SPATS2L: variants seen among roughly 807,000 people sequenced by gnomAD.
SPATS2L encodes the protein spermatogenesis associated serine rich 2 like.
Under a neutral mutation model 59.6 loss-of-function variants are expected in SPATS2L, and 30 were observed. The observed-to-expected ratio is 0.50, with a 90% CI of 0.38 to 0.68. SPATS2L has a LOEUF of 0.68. Among genes scored for constraint, SPATS2L ranks in the 30% least tolerant of loss-of-function variants. SPATS2L has a pLI of 0.00. For missense variants in SPATS2L, 615 were observed against 700.0 expected (o/e 0.88, Z 1.37); for synonymous variants, 252 against 263.5 (o/e 0.96, Z 0.42).
rs1234847838 is a variant in SPATS2L, at chr2:200,478,435, TGC to T, written c.*407_*408del. 2 of 156,750 alleles carry T rather than the reference TGC, an allele frequency of 1.3e-5. No individual in the cohort carries two copies. Among genetic ancestry groups the T allele is most frequent in the Non-Finnish European group, 2.8e-5 (2 of 71,074 alleles). The allele number at this position is 156,750 out of a possible 1,614,324, so 9.7% of individuals were successfully genotyped here. A position where few individuals can be genotyped will look rare whatever the true frequency, so the allele number is the denominator to read the frequency against. ...ACAAACATGATCTGCTGAGGACACA[TGC>T]GCTTTTGTAGAATTTAACATCTGGT... On this transcript the variant is annotated 3_prime_UTR_variant, in exon 13 of 13. Transcript: ENST00000409140.
At chr2:200,336,621 G>A (rs1021860841) in intron 2 of SPATS2L, among the ~76,000 whole-genome samples, 1 of 152,096 alleles carries the variant, frequency 6.6e-6, no homozygotes, top group Non-Finnish European at 1.5e-5. Context: ...TAAAACAGAT[G>A]TGTACTGCTG....
intron 2 of SPATS2L, among the ~76,000 whole-genome samples, chr2:200,356,159 T>G (rs950153931): frequency 1.3e-5 from 2 of 152,246 alleles, no homozygotes; most frequent in Admixed American, 1.3e-4. Context: ...TGTATCTATC[T>G]ATAAAGTGTA....
chr2:200,407,882 A>G (rs2082741385), intron 3 of SPATS2L, among the ~76,000 whole-genome samples: 1 of 152,194 alleles, frequency 6.6e-6, no homozygotes. Flanking sequence ...CGCCTGGTGT[A>G]GCTATAAGTT....
chr2:200,340,602 G>A (rs954996671), intron 2 of SPATS2L, among the ~76,000 whole-genome samples: 13 of 152,116 alleles, frequency 8.5e-5, no homozygotes, highest in Non-Finnish European at 1.8e-4. Context: ...GGGGAGGGCT[G>A]TGGAGAGGCA....
chr2:200,438,668 T>C (rs1293224565), intron 6 of SPATS2L, among the ~76,000 whole-genome samples: 1 of 152,172 alleles, frequency 6.6e-6, no homozygotes, highest in Non-Finnish European at 1.5e-5. Context: ...CCTTCATTAA[T>C]TCGGAATGAA....
At chr2:200,440,302 G>A (rs2084607249) in intron 7 of SPATS2L, among the ~76,000 whole-genome samples, 1 of 152,226 alleles carries the variant, frequency 6.6e-6, no homozygotes, top group Non-Finnish European at 1.5e-5. Context: ...ACCACGCAAA[G>A]TGGTGTTTAT....
intron 2 of SPATS2L, among the ~76,000 whole-genome samples, chr2:200,357,541 A>T (rs1011660116): frequency 1.2e-4 from 18 of 152,138 alleles, no homozygotes. Flanking sequence ...AACTTATCTG[A>T]TTTTTTAAAA....
intron 2 of SPATS2L, among the ~76,000 whole-genome samples, chr2:200,371,093 C>A (rs1467316877): frequency 6.6e-6 from 1 of 151,890 alleles, no homozygotes; most frequent in African/African-American, 2.4e-5. Context: ...TCAGTGTATA[C>A]CGTGATGTGA....
At chr2:200,416,565 T>C (rs1559112109) in intron 5 of SPATS2L, 137 bp downstream of exon 5, 2 of 417,360 alleles carry the variant, frequency 4.8e-6, no homozygotes, top group Admixed American at 9.0e-5. Context: ...TCCAAATTCA[T>C]GACTCTCGGA....
chr2:200,396,480 T>C (rs1298750764), intron 3 of SPATS2L, among the ~76,000 whole-genome samples: 3 of 152,170 alleles, frequency 2.0e-5, no homozygotes, highest in Non-Finnish European at 4.4e-5. Flanking sequence ...GAGCAGATTT[T>C]TAATTATTTT....
chr2:200,351,411 T>C (rs1290476666), intron 2 of SPATS2L: 3 of 426,806 alleles, frequency 7.0e-6, no homozygotes, highest in African/African-American at 6.2e-5. Context: ...GAGATACTTT[T>C]CAAAATCCTG....
chr2:200,399,431 C>T (rs2082452062), intron 3 of SPATS2L, among the ~76,000 whole-genome samples: 2 of 152,262 alleles, frequency 1.3e-5, no homozygotes, highest in Admixed American at 6.5e-5. Flanking sequence ...AATAATATTC[C>T]ACTGTGTATA....
Position 200,334,350 on chromosome 2 carries a change from G to A in SPATS2L, c.-23+4870G>A, listed in dbSNP as rs543629069. Among the ~76,000 whole-genome samples the A allele has an allele frequency of 2.6e-5, 4 of 152,244 alleles. No individual in the cohort carries two copies. In the South Asian group the frequency reaches 6.2e-4, roughly 24 times the overall value. ...TCATATCCTTCACCCACTTTTTGAT[G>A]GGGTTGTTTGTTTTTTTCTTGTAAA... On this transcript the variant is annotated intron_variant, in intron 2 of 12. Transcript: ENST00000409140.
rs1275326301 is a variant in SPATS2L at position 200,480,758 on chromosome 2, T to C, written c.*2727T>C. On this transcript the variant is annotated 3_prime_UTR_variant, in exon 13 of 13. Transcript: ENST00000409140. ...AGTAATTTCAATATTTTAGTGCCAA[T>C]GTCAGGCCGCTTAAACACTGTATTA... 4 of 152,234 alleles carry C rather than the reference T, an allele frequency of 2.6e-5. No homozygotes were observed. The highest frequency in any genetic ancestry group is 9.6e-5 in the African/African-American group (4 of 41,468). 9.4% of individuals were successfully genotyped at this position (152,234 alleles called of 1,614,324 possible). A position where few individuals can be genotyped will look rare whatever the true frequency, so the allele number is the denominator to read the frequency against.
intron 7 of SPATS2L, 111 bp from the exon 8 acceptor site, chr2:200,440,538 A>G: frequency 9.4e-7 from 1 of 1,061,808 alleles, no homozygotes; most frequent in Non-Finnish European, 1.4e-6. Context: ...CTTTTACTAG[A>G]CAAAAGATGA....
At chr2:200,438,301 T>C (rs2106096323) in intron 6 of SPATS2L, among the ~76,000 whole-genome samples, 1 of 130,854 alleles carries the variant, frequency 7.6e-6, no homozygotes, top group Middle Eastern at 3.9e-3. Flanking sequence ...TCATCAAGCT[T>C]TCTACAAGAA....
intron 2 of SPATS2L, among the ~76,000 whole-genome samples, chr2:200,344,227 C>T (rs2080432666): frequency 6.6e-6 from 1 of 152,052 alleles, no homozygotes; most frequent in Non-Finnish European, 1.5e-5. Flanking sequence ...CTCCTTCCAC[C>T]CTCCATACTC....
At chr2:200,405,884 G>A (rs559310147) in intron 3 of SPATS2L, among the ~76,000 whole-genome samples, 6 of 152,188 alleles carry the variant, frequency 3.9e-5, no homozygotes, top group African/African-American at 1.4e-4. Flanking sequence ...CATATGCTCT[G>A]CCTGGCACCC....
chr2:200,426,986 A>G (rs1164045562), intron 6 of SPATS2L, among the ~76,000 whole-genome samples: 1 of 151,984 alleles, frequency 6.6e-6, no homozygotes, highest in Non-Finnish European at 1.5e-5. Context: ...CCCCTCAGGT[A>G]TTTTTCGGTC....
Sources: allele counts gnomAD v4.1 joint callset (sites outside exome capture counted in the v4.1 genomes callset), GRCh38; gene constraint gnomAD v4.1.1; transcripts MANE v1.5; gene names NCBI Gene and HGNC (gene_info 2026-07-23, HGNC 2026-07-21).